KIRREL3: variants seen among roughly 807,000 people sequenced by gnomAD.
The protein encoded by KIRREL3 is kin of IRRE-like protein 3.
KIRREL3 carries 36 observed loss-of-function variants against 89.7 expected under a neutral mutation model. That is an observed-to-expected ratio of 0.40 (90% CI 0.31 to 0.53). KIRREL3 has a LOEUF of 0.53. KIRREL3 is among the 20% of genes least tolerant of loss of function. The probability of loss-of-function intolerance (pLI) is 0.49; values close to 1 mark genes in which losing one functional copy is unlikely to be tolerated. For missense variants in KIRREL3, 864 were observed against 1,056.6 expected (o/e 0.82, Z 2.53); for synonymous variants, 445 against 441.4 (o/e 1.01, Z -0.10).
At chr11:126,972,214 T>C (rs931125572) in intron 1 of KIRREL3, among the ~76,000 whole-genome samples, 7 of 73,754 alleles carry the variant, frequency 9.5e-5, no homozygotes, top group Non-Finnish European at 1.9e-4. Context: ...GGACTGTGCA[T>C]ACACATTTCC....
intron 1 of KIRREL3, among the ~76,000 whole-genome samples, chr11:126,974,065 T>C (rs1281804019): frequency 1.3e-5 from 2 of 152,116 alleles, no homozygotes; most frequent in Non-Finnish European, 2.9e-5. Flanking sequence ...GCATAGGAGG[T>C]ACTCATTGCA....
At chr11:126,937,464 G>A (rs1186343566) in intron 1 of KIRREL3, among the ~76,000 whole-genome samples, 1 of 152,184 alleles carries the variant, frequency 6.6e-6, no homozygotes, top group African/African-American at 2.4e-5. Context: ...CGTCATTATC[G>A]CAGCTCCAGT....
chr11:126,488,526 T>C (rs1335341839), intron 4 of KIRREL3, among the ~76,000 whole-genome samples: 1 of 152,222 alleles, frequency 6.6e-6, no homozygotes, highest in Non-Finnish European at 1.5e-5. Flanking sequence ...CTGCCTTCTC[T>C]TGTGTGAAGA....
chr11:126,572,611 A>G (rs681653), intron 1 of KIRREL3, among the ~76,000 whole-genome samples: 100,104 of 151,764 alleles, frequency 0.66, 33,427 homozygotes, highest in South Asian at 0.79. Flanking sequence ...ATGGAGTCAC[A>G]GGCATCACTG....
Position 126,710,705 on chromosome 11 carries a change from A to C in KIRREL3, c.56-147793T>G, listed in dbSNP as rs1947722606. On this transcript the variant is annotated intron_variant, in intron 1 of 16. Coordinates refer to ENST00000525144, the MANE Select transcript of KIRREL3 (RefSeq NM_032531.4). The surrounding 1 kb of genome is among the most constrained non-coding windows in gnomAD (Gnocchi z 4.2). ...GGAAAGCAAATCAGCCTCACTTATA[A>C]TTAAGTGTCTCAAATAAAGTTTTGT... is the stretch of plus-strand genomic sequence containing the variant. Among the ~76,000 whole-genome samples, 1 of 152,106 alleles carries C rather than the reference A, an allele frequency of 6.6e-6. No individual in the cohort carries two copies. Among genetic ancestry groups the C allele is most frequent in the African/African-American group, 2.4e-5 (1 of 41,404 alleles).
intron 1 of KIRREL3, among the ~76,000 whole-genome samples, chr11:126,746,577 A>G (rs964563925): frequency 6.6e-5 from 10 of 152,070 alleles, no homozygotes; most frequent in African/African-American, 2.4e-4. Flanking sequence ...CCTTACATTG[A>G]CATTGCCAGC....
Position 126,485,872 on chromosome 11 carries a change from G to A in KIRREL3, c.434-12406C>T, listed in dbSNP as rs115393997. On this transcript the variant is annotated intron_variant, in intron 4 of 16. Transcript: ENST00000525144. The surrounding 1 kb of genome is among the most constrained non-coding windows in gnomAD (Gnocchi z 5.8). ...CACAGCTGTACAGGTCTGATGGGCAGCCCTGCTGCCTTTAGGCAGGAGACC... is the reference window on the plus strand; with the variant it reads ...CACAGCTGTACAGGTCTGATGGGCAACCCTGCTGCCTTTAGGCAGGAGACC... Among the ~76,000 whole-genome samples, 3,476 of 152,358 alleles carry A rather than the reference G, an allele frequency of 0.023. 139 individuals are homozygous for A. The highest frequency in any genetic ancestry group is 0.075 in the African/African-American group (3,106 of 41,586).
chr11:126,636,312 C>T lies in KIRREL3; in HGVS notation c.56-73400G>A, dbSNP rs1180793935. ...TGTTTGCTTGCTACGGAGGAAATAC[C>T]CATTTCAAAGAATTGGGAGGATAAA... On this transcript the variant is annotated intron_variant, in intron 1 of 16. Transcript: ENST00000525144. The surrounding 1 kb of genome is among the most constrained non-coding windows in gnomAD (Gnocchi z 4.4). Among the ~76,000 whole-genome samples the T allele has an allele frequency of 6.6e-6, 1 of 152,052 alleles. No individual in the cohort carries two copies. The highest frequency in any genetic ancestry group is 1.5e-5 in the Non-Finnish European group (1 of 68,008).
In KIRREL3 at chr11:126,724,676, TC is replaced by T. The variant is rs1027086309; in HGVS notation, c.56-161765del. 2.6e-5 allele frequency among the ~76,000 whole-genome samples: 4 copies of T among 152,284 alleles called. No individual in the cohort carries two copies. The highest frequency in any genetic ancestry group is 3.9e-4 in the East Asian group (2 of 5,178). On this transcript the variant is annotated intron_variant, in intron 1 of 16. Transcript: ENST00000525144. This position sits in a 1 kb window ranked among gnomAD's most constrained non-coding sequence, Gnocchi z 4.3. ...TGCCTTCCTTCTTGAAACTTCCCTCTCCCCGTTTGAATTCCAATGAGGCATC... is the reference window on the plus strand; with the variant it reads ...TGCCTTCCTTCTTGAAACTTCCCTCTCCCGTTTGAATTCCAATGAGGCATC...
chr11:126,831,652 C>T (rs998005174), intron 1 of KIRREL3, among the ~76,000 whole-genome samples: 3 of 152,150 alleles, frequency 2.0e-5, no homozygotes, highest in Non-Finnish European at 2.9e-5. Flanking sequence ...GTGACTTTTA[C>T]CCCAAATTTA....
chr11:126,903,162 G>A lies in KIRREL3; in HGVS notation c.55+97293C>T, dbSNP rs1946438433. ...AGGCACAAATATGCTTCTGATTTAAGAAATTATTATAGAAAAATGCTGGAA... is the reference window on the plus strand; with the variant it reads ...AGGCACAAATATGCTTCTGATTTAAAAAATTATTATAGAAAAATGCTGGAA... On this transcript the variant is annotated intron_variant, in intron 1 of 16. Coordinates refer to ENST00000525144, the MANE Select transcript of KIRREL3 (RefSeq NM_032531.4). This position sits in a 1 kb window ranked among gnomAD's most constrained non-coding sequence, Gnocchi z 4.5. 6.6e-6 allele frequency among the ~76,000 whole-genome samples: 1 copy of A among 152,126 alleles called. No homozygotes were observed. The highest frequency in any genetic ancestry group is 2.4e-5 in the African/African-American group (1 of 41,426).
chr11:126,726,800 C>T (rs1366638151), intron 1 of KIRREL3, among the ~76,000 whole-genome samples: 4 of 152,232 alleles, frequency 2.6e-5, no homozygotes, highest in Admixed American at 1.3e-4. Context: ...TTGAGCATGC[C>T]ATGCGTTCTT....
intron 1 of KIRREL3, among the ~76,000 whole-genome samples, chr11:126,798,135 C>A (rs1307168776): frequency 6.6e-6 from 1 of 152,182 alleles, no homozygotes; most frequent in African/African-American, 2.4e-5. Flanking sequence ...CTCCAGGCAG[C>A]ATCTGTGCAA....
chr11:126,451,523 T>C (rs1428320319), intron 7 of KIRREL3, among the ~76,000 whole-genome samples: 2 of 148,330 alleles, frequency 1.3e-5, no homozygotes, highest in Non-Finnish European at 3.0e-5. Flanking sequence ...CATTTGTGAG[T>C]GGGTGCATGT....
At chr11:126,590,711 C>T (rs1942091645) in intron 1 of KIRREL3, among the ~76,000 whole-genome samples, 1 of 152,170 alleles carries the variant, frequency 6.6e-6, no homozygotes, top group South Asian at 2.1e-4. Flanking sequence ...TGAGCTGTGC[C>T]TGTGGGGGCT....
intron 1 of KIRREL3, among the ~76,000 whole-genome samples, chr11:126,657,069 CA>C (rs556363593): frequency 4.0e-5 from 6 of 151,212 alleles, no homozygotes; most frequent in African/African-American, 1.2e-4. Flanking sequence ...AAAAAAGAAA[CA>C]AAAAAAAACA....
At chr11:126,907,770 G>A (rs1462905939) in intron 1 of KIRREL3, among the ~76,000 whole-genome samples, 2 of 152,030 alleles carry the variant, frequency 1.3e-5, no homozygotes, top group Admixed American at 6.5e-5. Context: ...GGCCCCTGCT[G>A]CCCTGCAACC....
intron 12 of KIRREL3, among the ~76,000 whole-genome samples, chr11:126,436,175 C>T (rs1476562588): frequency 6.6e-6 from 1 of 152,192 alleles, no homozygotes; most frequent in African/African-American, 2.4e-5. Context: ...TCCCTCTCAC[C>T]CACCCGGCTG....
In KIRREL3 at chr11:126,863,267, T is replaced by G. The variant is rs184164582; in HGVS notation, c.55+137188A>C. ...GTTCTGTGCTGGGATTCCAGCCTCC[T>G]CTTCCTGGCTGCTCAGGAAAAGACA... On this transcript the variant is annotated intron_variant, in intron 1 of 16. Transcript: ENST00000525144. Among the ~76,000 whole-genome samples the G allele has an allele frequency of 5.3e-5, 8 of 150,826 alleles. No homozygotes were observed. The East Asian group carries it at 1.6e-3, about 30-fold the overall frequency.
Sources: gnomAD v4.1 joint callset for allele counts (sites outside exome capture counted in the v4.1 genomes callset) on GRCh38, gnomAD v4.1.1 for gene constraint, Gnocchi (gnomAD v3.1) non-coding constraint, MANE v1.5 for transcripts, NCBI Gene and HGNC (gene_info 2026-07-23, HGNC 2026-07-21) for gene names.